The following DNAJC13 variants were observed in gnomAD, a reference collection of about 807,000 sequenced individuals.
DNAJC13 encodes the protein DnaJ heat shock protein family (Hsp40) member C13.
In DNAJC13, 75 loss-of-function variants were observed where a neutral mutation model predicts 290.5. That is an observed-to-expected ratio of 0.26 (90% CI 0.21 to 0.31). The LOEUF is 0.31. DNAJC13 is among the 10% of genes least tolerant of loss of function. The probability of loss-of-function intolerance (pLI) is 1.00; values close to 1 mark genes in which losing one functional copy is unlikely to be tolerated. For synonymous variants in DNAJC13, 862 were observed against 892.0 expected (o/e 0.97, Z 0.60); for missense variants, 2,260 against 2,674.5 (o/e 0.85, Z 3.42).
At chr3:132,468,838 C>A (rs1934090016) in intron 20 of DNAJC13, among the ~76,000 whole-genome samples, 1 of 152,112 alleles carries the variant, frequency 6.6e-6, no homozygotes, top group Admixed American at 6.5e-5. Context: ...GGTAGTTAAA[C>A]CGATTTCTAA....
intron 48 of DNAJC13, among the ~76,000 whole-genome samples, chr3:132,520,186 G>A (rs1203560346): frequency 2.0e-5 from 3 of 152,196 alleles, no homozygotes; most frequent in Middle Eastern, 3.2e-3. Flanking sequence ...TGGGGCATGT[G>A]ATCTCTGTTA....
chr3:132,459,143 C>G (rs879772385), intron 13 of DNAJC13, among the ~76,000 whole-genome samples: 4 of 152,176 alleles, frequency 2.6e-5, no homozygotes, highest in Admixed American at 6.5e-5. Flanking sequence ...GCCCAAGTAA[C>G]TTGTTCAAGG....
chr3:132,484,397 A>G (rs1388226139), intron 28 of DNAJC13, 191 bp from the exon 29 acceptor site: 3 of 613,760 alleles, frequency 4.9e-6, no homozygotes, highest in Non-Finnish European at 8.8e-6. Flanking sequence ...ATGGAAGGAA[A>G]TGAAGTCATA....
At chr3:132,512,471 C>A (rs936944820) in intron 44 of DNAJC13, among the ~76,000 whole-genome samples, 1 of 152,042 alleles carries the variant, frequency 6.6e-6, no homozygotes, top group South Asian at 2.1e-4. Context: ...CTGAACAAAA[C>A]GGAAGTAAAT....
chr3:132,443,864 A>G (rs773310780), intron 2 of DNAJC13, among the ~76,000 whole-genome samples: 2 of 152,162 alleles, frequency 1.3e-5, no homozygotes, highest in Non-Finnish European at 2.9e-5. Context: ...CAACTCCAGG[A>G]TCCTTTTGCT....
At chr3:132,534,429 G>T (rs554083327) in intron 55 of DNAJC13, among the ~76,000 whole-genome samples, 37 of 152,298 alleles carry the variant, frequency 2.4e-4, no homozygotes, top group African/African-American at 7.7e-4. Context: ...GCCAAGGTGG[G>T]CGGACTGCTT....
intron 35 of DNAJC13, among the ~76,000 whole-genome samples, chr3:132,495,663 G>T (rs978553050): frequency 6.6e-6 from 1 of 152,064 alleles, no homozygotes; most frequent in Non-Finnish European, 1.5e-5. Flanking sequence ...ATGAAATCAC[G>T]TAAGAACCAC....
At chr3:132,491,171 A>T in intron 32 of DNAJC13, 120 bp downstream of exon 32, 2 of 846,324 alleles carry the variant, frequency 2.4e-6, no homozygotes, top group South Asian at 2.2e-5. Flanking sequence ...AAATGACAGT[A>T]ATCATTGATG....
Position 132,499,231 on chromosome 3 carries a change from C to A in DNAJC13, c.4262C>A (p.Ala1421Glu). 3 of 1,613,902 alleles carry A rather than the reference C, an allele frequency of 1.9e-6. No individual in the cohort carries two copies. The highest frequency in any genetic ancestry group is 1.1e-5 in the South Asian group (1 of 91,072). ...LFSKESPLLPAATELAFHTVN... is the reference protein window; with the variant it reads ...LFSKESPLLPEATELAFHTVN... ...TCAAAAGAATCACCATTGTTGCCTG[C>A]GGCTACAGAGCTAGCTTTCCATACT... Residue 1421 changes from alanine to glutamate, a missense_variant, in exon 37 of 56, where the codon GCG becomes GAG. Physicochemically the swap from Ala to Glu is moderately radical, Grantham distance 107. Around this residue, in one of 3 missense-constraint regions of DNAJC13, gnomAD observed 1,494 missense variants for 1,693.7 expected, o/e 0.88. Transcript: ENST00000260818.
chr3:132,418,722 C>T (rs1576448566), intron 1 of DNAJC13, among the ~76,000 whole-genome samples: 1 of 152,170 alleles, frequency 6.6e-6, no homozygotes, highest in Middle Eastern at 3.4e-3. Context: ...AATACAGTGT[C>T]TTGGGGAAAA....
At chr3:132,446,628 C>A in intron 3 of DNAJC13, 78 bp downstream of exon 3, 1 of 881,038 alleles carries the variant, frequency 1.1e-6, no homozygotes, top group Non-Finnish European at 1.8e-6. Flanking sequence ...CCATTACCCT[C>A]CCTTAAATCA....
rs1244686333 is a variant in DNAJC13 at position 132,516,949 on chromosome 3, T to G, written c.5673+133T>G. ...TGAGGTGATGTGAAAGTTGGAAAAT[T>G]CACATTCCGGGAATTGTTCCTATGT... On this transcript the variant is annotated intron_variant, in intron 48 of 55. Transcript: ENST00000260818. 1.9e-5 allele frequency: 15 copies of G among 787,390 alleles called. No homozygotes were observed. In the South Asian group the frequency reaches 2.7e-4, roughly 14 times the overall value. 48.8% of individuals were successfully genotyped at this position (787,390 alleles called of 1,614,324 possible).
chr3:132,486,558 A>G (rs1286894234), intron 29 of DNAJC13, among the ~76,000 whole-genome samples: 1 of 152,218 alleles, frequency 6.6e-6, no homozygotes, highest in Non-Finnish European at 1.5e-5. Context: ...ACTTATATTG[A>G]TAAATCTAGC....
chr3:132,433,450 T>C (rs531215630), intron 1 of DNAJC13, among the ~76,000 whole-genome samples: 1 of 152,136 alleles, frequency 6.6e-6, no homozygotes, highest in Admixed American at 6.5e-5. Context: ...CTGTTAACTT[T>C]TATTTTTTGA....
chr3:132,477,131 TG>T (rs1934497643), intron 22 of DNAJC13, among the ~76,000 whole-genome samples: 1 of 152,264 alleles, frequency 6.6e-6, no homozygotes, highest in Non-Finnish European at 1.5e-5. Context: ...GAAAATGAAA[TG>T]AAGATATATA....
chr3:132,499,634 T>C, intron 37 of DNAJC13, 100 bp from the exon 38 acceptor site: 2 of 1,010,292 alleles, frequency 2.0e-6, no homozygotes, highest in South Asian at 1.5e-5. Context: ...GTATCAAATA[T>C]TTAACATTAA....
At chr3:132,528,923 T>C (rs913849292) in intron 54 of DNAJC13, among the ~76,000 whole-genome samples, 1 of 152,228 alleles carries the variant, frequency 6.6e-6, no homozygotes, top group African/African-American at 2.4e-5. Context: ...TTCAGTGTAC[T>C]ATATAGCCCC....
chr3:132,473,738 A>G (rs781330129), intron 21 of DNAJC13, among the ~76,000 whole-genome samples: 9 of 152,154 alleles, frequency 5.9e-5, no homozygotes, highest in African/African-American at 1.2e-4. Flanking sequence ...GGAGTTTGCA[A>G]AGCTTCTTTA....
chr3:132,473,036 C>T, intron 20 of DNAJC13, 109 bp from the exon 21 acceptor site: 2 of 731,438 alleles, frequency 2.7e-6, no homozygotes, highest in Non-Finnish European at 4.6e-6. Context: ...TTGTTTCTGT[C>T]AAAATTTGAT....
Sources: allele counts gnomAD v4.1 joint callset (sites outside exome capture counted in the v4.1 genomes callset), GRCh38; gene constraint gnomAD v4.1.1; regional missense constraint gnomAD v4.1.1; transcripts MANE v1.5; gene names NCBI Gene and HGNC (gene_info 2026-07-23, HGNC 2026-07-21).